Variants in CLASP1 observed in about 807,000 individuals in gnomAD.
CLASP1 encodes the protein cytoplasmic linker associated protein 1.
Under a neutral mutation model 192.3 loss-of-function variants are expected in CLASP1, and 38 were observed. The observed-to-expected ratio is 0.20, with a 90% CI of 0.15 to 0.26. The LOEUF (loss-of-function observed/expected upper bound fraction) is 0.26. Ranked by LOEUF, CLASP1 falls within the 10% of genes least tolerant of loss-of-function variation. CLASP1 has a pLI of 1.00. For missense variants in CLASP1, 1,433 were observed against 1,932.5 expected, an observed-to-expected ratio of 0.74 and a Z score of 4.85; for synonymous variants, 691 against 712.8, an observed-to-expected ratio of 0.97 and a Z score of 0.49.
chr2:121,516,530 TAAGA>T (rs2094298811), intron 6 of CLASP1, among the ~76,000 whole-genome samples: 1 of 152,172 alleles, frequency 6.6e-6, no homozygotes. Flanking sequence ...CAGATCAAAC[TAAGA>T]AAGCAGCATG....
chr2:121,533,128 G>A (rs2094941559), intron 2 of CLASP1, among the ~76,000 whole-genome samples: 1 of 152,152 alleles, frequency 6.6e-6, no homozygotes, highest in Non-Finnish European at 1.5e-5. Flanking sequence ...GCCTCGCTAA[G>A]CCCCGGACAG....
At chr2:121,536,048 A>G (rs1430915515) in intron 2 of CLASP1, among the ~76,000 whole-genome samples, 1 of 151,718 alleles carries the variant, frequency 6.6e-6, no homozygotes, top group African/African-American at 2.4e-5. Flanking sequence ...GAAGTGTAAA[A>G]TGGTAGAGTT....
intron 10 of CLASP1, 97 bp downstream of exon 10, chr2:121,462,435 G>A: frequency 1.5e-6 from 1 of 675,088 alleles, no homozygotes; most frequent in Non-Finnish European, 2.6e-6. Context: ...AAAATTACCT[G>A]ACCTAGTAAA....
At chr2:121,418,838 C>T (rs559762992) in intron 22 of CLASP1, 109 bp from the exon 23 acceptor site, 19 of 775,744 alleles carry the variant, frequency 2.4e-5, no homozygotes, top group South Asian at 1.1e-4. Context: ...ACATTGTTCG[C>T]GCTGGGGAGT....
intron 19 of CLASP1, among the ~76,000 whole-genome samples, chr2:121,445,696 G>A (rs970749943): frequency 2.6e-5 from 4 of 152,136 alleles, no homozygotes; most frequent in African/African-American, 7.2e-5. Flanking sequence ...CTCCAGTCTC[G>A]TTCTTTGAAG....
At chr2:121,358,479 A>G (rs2065813036) in intron 37 of CLASP1, among the ~76,000 whole-genome samples, 1 of 152,166 alleles carries the variant, frequency 6.6e-6, no homozygotes, top group South Asian at 2.1e-4. Flanking sequence ...TCCTGAGCGC[A>G]GGGGGTCTGG....
intron 1 of CLASP1, among the ~76,000 whole-genome samples, chr2:121,631,496 C>CA (rs1304973854): frequency 1.3e-5 from 2 of 151,880 alleles, no homozygotes; most frequent in African/African-American, 4.8e-5. Flanking sequence ...CCATGTTGAC[C>CA]AGGATGGTCT....
Position 121,622,296 on chromosome 2 carries a change from C to G in CLASP1, c.-285-16116G>C, listed in dbSNP as rs144898696. ...GTTCAGAATGTAAGTTCCGGCCAGG[C>G]ACAGTGGCTCACGCCTGTAATCCCA... On this transcript the variant is annotated intron_variant, in intron 1 of 39. Coordinates refer to ENST00000263710, the Ensembl canonical transcript of CLASP1. 1.9e-3 allele frequency among the ~76,000 whole-genome samples: 284 copies of G among 152,122 alleles called. 1 individual carries two copies. The highest frequency in any genetic ancestry group is 6.5e-3 in the African/African-American group (271 of 41,504).
In CLASP1 at chr2:121,425,020, G is replaced by C; in HGVS notation, c.2212+119C>G. 1.9e-6 allele frequency: 2 copies of C among 1,047,576 alleles called. 1 individual carries two copies. Among genetic ancestry groups the C allele is most frequent in the South Asian group, 3.3e-5 (2 of 60,750 alleles). The allele number at this position is 1,047,576 out of a possible 1,614,324, so 64.9% of individuals were successfully genotyped here. A position where few individuals can be genotyped will look rare whatever the true frequency, so the allele number is the denominator to read the frequency against. On this transcript the variant is annotated intron_variant, in intron 22 of 39. Coordinates refer to ENST00000263710, the Ensembl canonical transcript of CLASP1. Reference sequence around the variant, plus strand: ...TCTGTATAAAGCACACCCAGGCAAAGTGACATCCTCAGTTCAAAAAATAGA... The same window carrying C: ...TCTGTATAAAGCACACCCAGGCAAACTGACATCCTCAGTTCAAAAAATAGA...
intron 37 of CLASP1, among the ~76,000 whole-genome samples, chr2:121,358,918 T>C (rs988536783): frequency 6.6e-6 from 1 of 152,232 alleles, no homozygotes; most frequent in African/African-American, 2.4e-5. Context: ...TATTTTCCTC[T>C]TTTAACAGAC....
At chr2:121,411,229 C>A (rs139527206) in intron 23 of CLASP1, among the ~76,000 whole-genome samples, 1 of 152,232 alleles carries the variant, frequency 6.6e-6, no homozygotes, top group East Asian at 1.9e-4. Flanking sequence ...GAGAGGGAAG[C>A]GGGAACTTAT....
rs2094872331 is a variant in CLASP1 at position 121,531,439 on chromosome 2, C to CA, written c.196-1115dup. On this transcript the variant is annotated intron_variant, in intron 2 of 39. Coordinates refer to ENST00000263710, the Ensembl canonical transcript of CLASP1. ...TGAAACTCCGTCTCTCCTAAAAATA[C>CA]AAAAAATTAGCCGGGCGAGGTGGCC... Among the ~76,000 whole-genome samples, 4 of 150,370 alleles carry CA rather than the reference C, an allele frequency of 2.7e-5. No homozygotes were observed. The South Asian group carries it at 6.3e-4, about 24-fold the overall frequency.
chr2:121,613,925 G>A (rs2066028410), intron 1 of CLASP1, among the ~76,000 whole-genome samples: 1 of 152,338 alleles, frequency 6.6e-6, no homozygotes, highest in Middle Eastern at 3.4e-3. Context: ...CATTCATGCA[G>A]TTGAGTCATC....
chr2:121,425,168 C>T (rs761970220), exon 22 of CLASP1: 2 of 1,611,894 alleles, frequency 1.2e-6, no homozygotes, highest in Non-Finnish European at 1.7e-6. Flanking sequence ...ACTTGTTTCC[C>T]GGCTACATCC....
intron 32 of CLASP1, among the ~76,000 whole-genome samples, chr2:121,384,639 C>A (rs1312885764): frequency 6.6e-6 from 1 of 152,090 alleles, no homozygotes; most frequent in East Asian, 1.9e-4. Flanking sequence ...TGTGGCGGCT[C>A]ATGCCTGTAA....
intron 37 of CLASP1, among the ~76,000 whole-genome samples, chr2:121,356,527 G>C (rs977820225): frequency 1.3e-5 from 2 of 152,222 alleles, no homozygotes; most frequent in African/African-American, 4.8e-5. Flanking sequence ...AACTAGCCAA[G>C]CGAGCTTGGG....
chr2:121,608,255 C>T (rs896809069), intron 1 of CLASP1, among the ~76,000 whole-genome samples: 1 of 152,208 alleles, frequency 6.6e-6, no homozygotes, highest in Non-Finnish European at 1.5e-5. Flanking sequence ...TCTGGACCTA[C>T]TATTAGTCCA....
At chr2:121,589,165 C>T (rs1209633043) in intron 2 of CLASP1, among the ~76,000 whole-genome samples, 1 of 152,310 alleles carries the variant, frequency 6.6e-6, no homozygotes, top group East Asian at 1.9e-4. Flanking sequence ...TCAACCACCA[C>T]GCTGGCCAGT....
At chr2:121,436,581 T>C (rs2082352115) in intron 19 of CLASP1, among the ~76,000 whole-genome samples, 1 of 151,846 alleles carries the variant, frequency 6.6e-6, no homozygotes, top group Non-Finnish European at 1.5e-5. Flanking sequence ...CAGCTAATTT[T>C]GGTATTATAA....
Sources: allele counts gnomAD v4.1 joint callset (sites outside exome capture counted in the v4.1 genomes callset), GRCh38; gene constraint gnomAD v4.1.1; transcripts MANE v1.5; gene names NCBI Gene and HGNC (gene_info 2026-07-23, HGNC 2026-07-21).